SUPT3H: variants seen among roughly 807,000 people sequenced by gnomAD.
SUPT3H encodes the protein SPT3 homolog, SAGA and STAGA complex component, also known as transcription initiation protein SPT3 homolog.
A neutral mutation model predicts 44.3 loss-of-function variants in SUPT3H; 44 were observed. The ratio of observed to expected loss-of-function variants is 0.99; its 90% CI spans 0.78 to 1.28. The LOEUF (loss-of-function observed/expected upper bound fraction) is 1.28, where lower values mean the gene tolerates loss of function less well. Among genes scored for constraint, SUPT3H ranks in the 50% most tolerant of loss-of-function variants. SUPT3H has a pLI of 0.00. For missense variants in SUPT3H, 380 were observed against 387.1 expected, an observed-to-expected ratio of 0.98 and a Z score of 0.15; for synonymous variants, 124 against 125.6, an observed-to-expected ratio of 0.99 and a Z score of 0.09.
intron 2 of SUPT3H, among the ~76,000 whole-genome samples, chr6:45,274,226 C>A (rs932176129): frequency 6.6e-6 from 1 of 152,132 alleles, no homozygotes; most frequent in Non-Finnish European, 1.5e-5. Context: ...AAATTTTCTC[C>A]CATTGAGTGA....
At chr6:45,291,254 T>C (rs1780272995) in intron 2 of SUPT3H, among the ~76,000 whole-genome samples, 1 of 152,142 alleles carries the variant, frequency 6.6e-6, no homozygotes, top group African/African-American at 2.4e-5. Flanking sequence ...GGGAGAGTAC[T>C]ACATCAAGGG....
In SUPT3H at chr6:45,169,070, G is replaced by T. The variant is rs190103352; in HGVS notation, c.102-63064C>A. 2.0e-5 allele frequency among the ~76,000 whole-genome samples: 3 copies of T among 152,180 alleles called. No individual in the cohort carries two copies. The East Asian group carries it at 5.8e-4, about 29-fold the overall frequency. On this transcript the variant is annotated intron_variant, in intron 2 of 10. Transcript: ENST00000371459. ...TAATGGATCAGAGAATTTTAAAAAG[G>T]GTGATAAAGGAGCATACAATTAGAG... is the stretch of plus-strand genomic sequence containing the variant.
intron 10 of SUPT3H, among the ~76,000 whole-genome samples, chr6:44,899,577 C>T (rs1016901407): frequency 6.6e-6 from 1 of 152,088 alleles, no homozygotes; most frequent in Admixed American, 6.6e-5. Context: ...ATCCCAGTTA[C>T]ATGGGAGGCT....
At chr6:44,973,564 C>T (rs1038901232) in intron 6 of SUPT3H, among the ~76,000 whole-genome samples, 6 of 152,130 alleles carry the variant, frequency 3.9e-5, no homozygotes, top group African/African-American at 7.2e-5. Flanking sequence ...CAAACTGTTC[C>T]GACCTTGGCC....
At chr6:44,966,782 T>C (rs1320199412) in intron 6 of SUPT3H, among the ~76,000 whole-genome samples, 2 of 152,200 alleles carry the variant, frequency 1.3e-5, no homozygotes, top group African/African-American at 4.8e-5. Context: ...AAAAAAGACA[T>C]CATATCATTG....
At chr6:45,186,852 G>A (rs1306844568) in intron 2 of SUPT3H, among the ~76,000 whole-genome samples, 1 of 152,062 alleles carries the variant, frequency 6.6e-6, no homozygotes, top group East Asian at 1.9e-4. Context: ...ATGATTTAGG[G>A]TCACAGAGAA....
intron 2 of SUPT3H, among the ~76,000 whole-genome samples, chr6:45,280,837 C>T (rs201280543): frequency 9.5e-6 from 1 of 104,864 alleles, no homozygotes; most frequent in Non-Finnish European, 1.8e-5. Context: ...AAAAATATAA[C>T]ATGTTCTATA....
chr6:45,003,037 A>T (rs1230983518), intron 6 of SUPT3H, among the ~76,000 whole-genome samples: 1 of 152,168 alleles, frequency 6.6e-6, no homozygotes, highest in Non-Finnish European at 1.5e-5. Context: ...ATTTTACTTT[A>T]AATTTTTCCT....
intron 2 of SUPT3H, among the ~76,000 whole-genome samples, chr6:45,321,242 T>A (rs1785448080): frequency 6.6e-6 from 1 of 152,136 alleles, no homozygotes. Flanking sequence ...AAGCTACTCA[T>A]ATTCACTCAT....
chr6:45,018,591 T>C (rs1259686114), intron 4 of SUPT3H, among the ~76,000 whole-genome samples: 2 of 152,084 alleles, frequency 1.3e-5, no homozygotes, highest in Non-Finnish European at 2.9e-5. Context: ...CTTTTCTGCA[T>C]CTATTGAGAT....
chr6:45,175,408 G>T (rs1420541460), intron 2 of SUPT3H, among the ~76,000 whole-genome samples: 1 of 152,148 alleles, frequency 6.6e-6, no homozygotes, highest in Non-Finnish European at 1.5e-5. Context: ...AGGAAGAAGT[G>T]CTGAGCAAAG....
chr6:44,858,367 A>G (rs1009333925), intron 10 of SUPT3H, among the ~76,000 whole-genome samples: 8 of 152,190 alleles, frequency 5.3e-5, no homozygotes, highest in East Asian at 1.9e-4. Flanking sequence ...TTTACATTTA[A>G]TCTTCACAAC....
chr6:44,996,539 T>G (rs935996332), intron 6 of SUPT3H, among the ~76,000 whole-genome samples: 62 of 151,904 alleles, frequency 4.1e-4, no homozygotes, highest in African/African-American at 1.5e-3. Context: ...TCAGAATATT[T>G]TAATAGAGTC....
chr6:45,209,152 A>T (rs1763683434), intron 2 of SUPT3H, among the ~76,000 whole-genome samples: 1 of 152,198 alleles, frequency 6.6e-6, no homozygotes, highest in Admixed American at 6.5e-5. Flanking sequence ...CTGGTCACCC[A>T]AGAGCTCTGG....
intron 9 of SUPT3H, among the ~76,000 whole-genome samples, chr6:44,947,792 A>G (rs1053915619): frequency 6.6e-6 from 1 of 152,230 alleles, no homozygotes; most frequent in Admixed American, 6.5e-5. Context: ...CTAGATATCC[A>G]TAAGTAAAAA....
chr6:45,257,315 G>GT (rs2153655795), intron 2 of SUPT3H, among the ~76,000 whole-genome samples: 2 of 152,282 alleles, frequency 1.3e-5, no homozygotes, highest in South Asian at 4.2e-4. Flanking sequence ...TAAGGGAAAT[G>GT]CTGAGATTTT....
chr6:45,139,327 T>C (rs1804802567), intron 2 of SUPT3H, among the ~76,000 whole-genome samples: 1 of 152,200 alleles, frequency 6.6e-6, no homozygotes. Flanking sequence ...ACGCATCAGG[T>C]CACATTCTGT....
intron 2 of SUPT3H, among the ~76,000 whole-genome samples, chr6:45,290,309 T>C (rs1308883097): frequency 6.6e-6 from 1 of 152,156 alleles, no homozygotes; most frequent in African/African-American, 2.4e-5. Context: ...AATGCTGACT[T>C]AACATATAAC....
chr6:44,823,933 A>C (rs1767546525), downstream of SUPT3H, among the ~76,000 whole-genome samples: 1 of 152,324 alleles, frequency 6.6e-6, no homozygotes, highest in Non-Finnish European at 1.5e-5. Context: ...ATTGCACTCC[A>C]GCCTGGGCAA....
Sources: allele counts gnomAD v4.1 joint callset (sites outside exome capture counted in the v4.1 genomes callset), GRCh38; gene constraint gnomAD v4.1.1; transcripts MANE v1.5; gene names NCBI Gene and HGNC (gene_info 2026-07-23, HGNC 2026-07-21).